The following CSMD1 variants were observed in gnomAD, a reference collection of about 807,000 sequenced individuals.
CSMD1 encodes the protein CUB and sushi domain-containing protein 1.
Under a neutral mutation model 417.5 loss-of-function variants are expected in CSMD1, and 213 were observed. The ratio of observed to expected loss-of-function variants is 0.51; its 90% confidence interval spans 0.46 to 0.57. CSMD1 has a LOEUF of 0.57. Among genes scored for constraint, CSMD1 ranks in the 20% least tolerant of loss-of-function variants. The pLI is 0.00. For synonymous variants in CSMD1, 2,862 were observed against 1,736.8 expected (o/e 1.65, Z -16.11); for missense variants, 6,923 against 4,529.7 (o/e 1.53, Z -15.17).
chr8:4,059,782 G>T (rs543402642), intron 3 of CSMD1, among the ~76,000 whole-genome samples: 8 of 151,872 alleles, frequency 5.3e-5, no homozygotes, highest in Non-Finnish European at 1.0e-4. Flanking sequence ...AACAGGAGCT[G>T]CAATTGTGGC....
chr8:4,815,284 ATT>A (rs1041076619), intron 1 of CSMD1, among the ~76,000 whole-genome samples: 8 of 152,152 alleles, frequency 5.3e-5, no homozygotes, highest in African/African-American at 1.4e-4. Flanking sequence ...ACCAATCTGC[ATT>A]TGTGTCCTTC....
At chr8:3,909,577 G>A (rs757982039) in intron 5 of CSMD1, among the ~76,000 whole-genome samples, 2 of 152,078 alleles carry the variant, frequency 1.3e-5, no homozygotes, top group Non-Finnish European at 2.9e-5. Context: ...CCTTTTCGTG[G>A]CATAGAGGGA....
At chr8:4,363,578 C>T (rs1801899806) in intron 3 of CSMD1, among the ~76,000 whole-genome samples, 1 of 152,186 alleles carries the variant, frequency 6.6e-6, no homozygotes, top group Admixed American at 6.5e-5. Flanking sequence ...GGAGCGCCAT[C>T]TGCCTGGAGG....
intron 3 of CSMD1, among the ~76,000 whole-genome samples, chr8:4,301,725 C>G (rs1037851792): frequency 6.6e-6 from 1 of 152,180 alleles, no homozygotes; most frequent in Non-Finnish European, 1.5e-5. Context: ...TAGTCTGTTG[C>G]TGTGGGTTTC....
chr8:3,043,941 A>G (rs1356101294), intron 50 of CSMD1, among the ~76,000 whole-genome samples: 1 of 152,158 alleles, frequency 6.6e-6, no homozygotes, highest in African/African-American at 2.4e-5. Context: ...ATAAATAAAA[A>G]TGTCTCCACA....
intron 3 of CSMD1, among the ~76,000 whole-genome samples, chr8:4,134,010 C>A (rs943451656): frequency 1.3e-5 from 2 of 152,100 alleles, no homozygotes; most frequent in African/African-American, 2.4e-5. Context: ...AGAAATAATA[C>A]TTCAGTATAC....
At chr8:4,753,620 C>T (rs1389555416) in intron 1 of CSMD1, among the ~76,000 whole-genome samples, 3 of 152,192 alleles carry the variant, frequency 2.0e-5, no homozygotes, top group Non-Finnish European at 4.4e-5. Context: ...TATCAGGCGT[C>T]TCACTGTTCC....
At chr8:4,160,217 C>T (rs1030976262) in intron 3 of CSMD1, among the ~76,000 whole-genome samples, 1 of 152,042 alleles carries the variant, frequency 6.6e-6, no homozygotes, top group Non-Finnish European at 1.5e-5. Context: ...AAAAATCTGG[C>T]TAATTGTTCT....
rs546699989 is a variant in CSMD1, at chr8:4,717,925, T to A, written c.86-80367A>T. On this transcript the variant is annotated intron_variant, in intron 1 of 69. Coordinates refer to ENST00000635120, the MANE Select transcript of CSMD1 (RefSeq NM_033225.6). ...GACTAAAGTATTGATACAGAAGAAG[T>A]ATAAAACAGTGGCAAACAATAGTAA... Among the ~76,000 whole-genome samples the A allele has an allele frequency of 4.7e-4, 72 of 152,294 alleles. 1 individual carries two copies. Among genetic ancestry groups the A allele is most frequent in the African/African-American group, 1.7e-3 (71 of 41,564 alleles).
intron 3 of CSMD1, among the ~76,000 whole-genome samples, chr8:4,253,099 T>A (rs1241756055): frequency 2.6e-5 from 4 of 152,236 alleles, no homozygotes; most frequent in African/African-American, 7.2e-5. Flanking sequence ...TGGCAAAATC[T>A]AGGATTATCT....
At chr8:4,111,024 C>G (rs1156974707) in intron 3 of CSMD1, among the ~76,000 whole-genome samples, 1 of 152,006 alleles carries the variant, frequency 6.6e-6, no homozygotes, top group African/African-American at 2.4e-5. Context: ...ATCAGGGACT[C>G]CCTGCGAAAG....
intron 7 of CSMD1, among the ~76,000 whole-genome samples, chr8:3,637,892 C>G (rs6988002): frequency 0.48 from 72,379 of 152,030 alleles, 17,356 homozygotes; most frequent in Middle Eastern, 0.64. Context: ...TTCTACAGAG[C>G]AGTTCCCCTG....
chr8:4,472,378 G>C (rs1053346159), intron 2 of CSMD1, among the ~76,000 whole-genome samples: 2 of 152,042 alleles, frequency 1.3e-5, no homozygotes, highest in Non-Finnish European at 2.9e-5. Context: ...TTGATCTGTA[G>C]TAACAGTGCT....
Position 4,238,713 on chromosome 8 carries a change from G to C in CSMD1, c.415+181240C>G, listed in dbSNP as rs528635914. ...CAATACCTGTTAGCTGTTTGGGGCA[G>C]GTCAATATTATCCTTCTCTTGCTTC... On this transcript the variant is annotated intron_variant, in intron 3 of 69. Coordinates refer to ENST00000635120, the MANE Select transcript of CSMD1 (RefSeq NM_033225.6). Among the ~76,000 whole-genome samples, 22 of 152,260 alleles carry C rather than the reference G, an allele frequency of 1.4e-4. No individual in the cohort carries two copies. The South Asian group carries it at 4.1e-3, about 29-fold the overall frequency.
chr8:3,961,547 T>G (rs1294800976), intron 5 of CSMD1, among the ~76,000 whole-genome samples: 1 of 152,222 alleles, frequency 6.6e-6, no homozygotes, highest in Non-Finnish European at 1.5e-5. Flanking sequence ...AAATCTATCC[T>G]AGGCAGAAAT....
At chr8:4,209,991 C>T (rs1318321237) in intron 3 of CSMD1, among the ~76,000 whole-genome samples, 2 of 152,176 alleles carry the variant, frequency 1.3e-5, no homozygotes, top group African/African-American at 4.8e-5. Flanking sequence ...TTATGAAAGG[C>T]TGCTTCTGCC....
intron 10 of CSMD1, among the ~76,000 whole-genome samples, chr8:3,554,782 T>C (rs990202248): frequency 1.3e-5 from 2 of 152,026 alleles, no homozygotes; most frequent in Admixed American, 6.5e-5. Context: ...ATCTACAAAG[T>C]AAGCAGAAGA....
chr8:4,751,238 A>G (rs1198690161), intron 1 of CSMD1, among the ~76,000 whole-genome samples: 1 of 152,160 alleles, frequency 6.6e-6, no homozygotes, highest in Non-Finnish European at 1.5e-5. Context: ...TACACAAATT[A>G]GGCAGACATT....
At chr8:3,643,830 A>C (rs1797437990) in intron 7 of CSMD1, among the ~76,000 whole-genome samples, 1 of 152,144 alleles carries the variant, frequency 6.6e-6, no homozygotes, top group Non-Finnish European at 1.5e-5. Context: ...GGTTAAGTTA[A>C]TTAAGCTACC....
Sources: allele counts gnomAD v4.1 joint callset (sites outside exome capture counted in the v4.1 genomes callset), GRCh38; gene constraint gnomAD v4.1.1; transcripts MANE v1.5; gene names NCBI Gene and HGNC (gene_info 2026-07-23, HGNC 2026-07-21).